Variants in ZFPM2 observed in about 807,000 individuals in gnomAD.
ZFPM2 encodes zinc finger protein, FOG family member 2.
A neutral mutation model predicts 98.6 loss-of-function variants in ZFPM2; 20 were observed. The observed-to-expected ratio is 0.20, with a 90% confidence interval of 0.14 to 0.29. ZFPM2 has a LOEUF of 0.29. Ranked by LOEUF, ZFPM2 falls within the 10% of genes least tolerant of loss-of-function variation. The probability of loss-of-function intolerance (pLI) is 1.00; values close to 1 mark genes in which losing one functional copy is unlikely to be tolerated. For synonymous variants in ZFPM2, 518 were observed against 502.7 expected (o/e 1.03, Z -0.41); for missense variants, 1,310 against 1,388.6 (o/e 0.94, Z 0.90).
chr8:105,677,085 A>G (rs1810489196), intron 5 of ZFPM2, among the ~76,000 whole-genome samples: 1 of 152,124 alleles, frequency 6.6e-6, no homozygotes, highest in African/African-American at 2.4e-5. Flanking sequence ...TTTGTCACCA[A>G]CAGAACAACA....
intron 4 of ZFPM2, among the ~76,000 whole-genome samples, chr8:105,618,139 T>TA (rs1167728385): frequency 6.6e-6 from 1 of 152,156 alleles, no homozygotes; most frequent in Non-Finnish European, 1.5e-5. Context: ...ATGCATAATG[T>TA]AAAACAGAAA....
chr8:105,401,965 T>A (rs1563642070), intron 1 of ZFPM2, among the ~76,000 whole-genome samples: 4 of 152,102 alleles, frequency 2.6e-5, no homozygotes, highest in African/African-American at 9.6e-5. Context: ...TTTTGTGGCG[T>A]AGGTATTAAT....
chr8:105,620,694 G>C (rs929884056), intron 4 of ZFPM2, among the ~76,000 whole-genome samples: 1 of 152,096 alleles, frequency 6.6e-6, no homozygotes, highest in Non-Finnish European at 1.5e-5. Flanking sequence ...AATCCATCTT[G>C]AATTGATTTT....
chr8:105,330,549 T>C (rs1350458168), intron 1 of ZFPM2, among the ~76,000 whole-genome samples: 25 of 69,042 alleles, frequency 3.6e-4, no homozygotes, highest in Middle Eastern at 0.015. Context: ...TATATATATA[T>C]ATACATATAT....
At chr8:105,341,330 T>C (rs1812427316) in intron 1 of ZFPM2, among the ~76,000 whole-genome samples, 1 of 151,982 alleles carries the variant, frequency 6.6e-6, no homozygotes, top group African/African-American at 2.4e-5. Context: ...GCAATTGCAC[T>C]GACAATGACA....
chr8:105,688,146 T>G (rs1810785814), intron 5 of ZFPM2, among the ~76,000 whole-genome samples: 1 of 151,964 alleles, frequency 6.6e-6, no homozygotes. Context: ...TAATGAAAAT[T>G]ATAGAAAATT....
chr8:105,496,008 C>T (rs1195267279), intron 3 of ZFPM2, among the ~76,000 whole-genome samples: 3 of 152,060 alleles, frequency 2.0e-5, no homozygotes, highest in African/African-American at 7.2e-5. Context: ...ATTAGGATTA[C>T]AAAAAAGCCG....
At chr8:105,661,209 A>C (rs988886270) in intron 5 of ZFPM2, among the ~76,000 whole-genome samples, 21 of 152,204 alleles carry the variant, frequency 1.4e-4, no homozygotes, top group African/African-American at 4.6e-4. Flanking sequence ...AGTTAAGAGG[A>C]GGATTGTCTC....
intron 1 of ZFPM2, among the ~76,000 whole-genome samples, chr8:105,347,689 C>T (rs780544296): frequency 6.6e-6 from 1 of 152,110 alleles, no homozygotes; most frequent in African/African-American, 2.4e-5. Context: ...CTTGGCCCTA[C>T]CGCACAGTTG....
chr8:105,734,211 T>C (rs1192989851), intron 5 of ZFPM2, among the ~76,000 whole-genome samples: 1 of 151,960 alleles, frequency 6.6e-6, no homozygotes, highest in East Asian at 1.9e-4. Flanking sequence ...TGAGGTATTT[T>C]ATCTAGAACC....
rs534157505 is a variant in ZFPM2 at position 105,527,285 on chromosome 8, C to G, written c.302-34078C>G. On this transcript the variant is annotated intron_variant, in intron 3 of 7. Transcript: ENST00000407775. ...GTTTTCCTTAAAACTCTAAAAGAGC[C>G]TCTGCTTTGGCAAGGACGACCTGGA... Among the ~76,000 whole-genome samples, 5 of 152,242 alleles carry G rather than the reference C, an allele frequency of 3.3e-5. No individual in the cohort carries two copies. In the South Asian group the frequency reaches 6.2e-4, roughly 19 times the overall value.
chr8:105,326,028 C>T (rs1343130396), intron 1 of ZFPM2, among the ~76,000 whole-genome samples: 3 of 151,548 alleles, frequency 2.0e-5, no homozygotes, highest in Non-Finnish European at 4.4e-5. Flanking sequence ...TTTTGCCTCA[C>T]GATGAGTGTG....
chr8:105,330,555 T>TATATATAC (rs1563606529), intron 1 of ZFPM2, among the ~76,000 whole-genome samples: 3 of 104,884 alleles, frequency 2.9e-5, no homozygotes, highest in African/African-American at 1.2e-4. Flanking sequence ...TATATATACA[T>TATATATAC]ATATATATAT....
At chr8:105,427,989 T>A (rs1811949004) in intron 2 of ZFPM2, among the ~76,000 whole-genome samples, 1 of 152,182 alleles carries the variant, frequency 6.6e-6, no homozygotes, top group South Asian at 2.1e-4. Context: ...AGATGCTGTT[T>A]TTGCCTGTAA....
intron 2 of ZFPM2, among the ~76,000 whole-genome samples, chr8:105,425,836 G>A (rs75041000): frequency 0.029 from 4,468 of 152,238 alleles, 223 homozygotes; most frequent in African/African-American, 0.1. Flanking sequence ...TCTTAATAAC[G>A]AAAAGAATGC....
At chr8:105,706,369 T>C (rs1811260735) in intron 5 of ZFPM2, among the ~76,000 whole-genome samples, 3 of 152,170 alleles carry the variant, frequency 2.0e-5, no homozygotes, top group African/African-American at 4.8e-5. Context: ...ATGAAGACTA[T>C]TGTGTAAAAT....
intron 1 of ZFPM2, among the ~76,000 whole-genome samples, chr8:105,414,175 G>A (rs1388891392): frequency 6.6e-6 from 1 of 151,872 alleles, no homozygotes; most frequent in Non-Finnish European, 1.5e-5. Context: ...TAATCAAAAG[G>A]CATGCAATAT....
At chr8:105,406,519 C>T (rs1015885267) in intron 1 of ZFPM2, among the ~76,000 whole-genome samples, 9 of 152,042 alleles carry the variant, frequency 5.9e-5, no homozygotes, top group African/African-American at 2.2e-4. Context: ...AAAACCTAGG[C>T]ATTACCATTC....
chr8:105,644,307 A>C (rs1435511768), intron 5 of ZFPM2, among the ~76,000 whole-genome samples: 2 of 149,046 alleles, frequency 1.3e-5, no homozygotes, highest in Non-Finnish European at 3.0e-5. Flanking sequence ...TAAAAAAAAA[A>C]CAGGGTTTTG....
Sources: allele counts gnomAD v4.1 joint callset (sites outside exome capture counted in the v4.1 genomes callset), GRCh38; gene constraint gnomAD v4.1.1; transcripts MANE v1.5; gene names NCBI Gene and HGNC (gene_info 2026-07-23, HGNC 2026-07-21).